PRMT3: variants seen among roughly 807,000 people sequenced by gnomAD.
The protein encoded by PRMT3 is protein arginine methyltransferase 3.
PRMT3 carries 62 observed loss-of-function variants against 71.9 expected under a neutral mutation model. The ratio of observed to expected loss-of-function variants is 0.86; its 90% confidence interval spans 0.70 to 1.07. The LOEUF is 1.07. Among genes scored for constraint, PRMT3 ranks in the 50% least tolerant of loss-of-function variants. The probability of loss-of-function intolerance (pLI) is 0.00; values close to 1 mark genes in which losing one functional copy is unlikely to be tolerated. For missense variants in PRMT3, 663 were observed against 643.0 expected (o/e 1.03, Z -0.34); for synonymous variants, 213 against 220.4 (o/e 0.97, Z 0.30).
chr11:20,420,515 A>C (rs1356031299), intron 9 of PRMT3, among the ~76,000 whole-genome samples: 1 of 152,144 alleles, frequency 6.6e-6, no homozygotes, highest in Non-Finnish European at 1.5e-5. Context: ...CTCCTGTCAG[A>C]TCAGTGGGGG....
chr11:20,412,907 G>A (rs1278528287), intron 9 of PRMT3, among the ~76,000 whole-genome samples: 1 of 152,048 alleles, frequency 6.6e-6, no homozygotes, highest in African/African-American at 2.4e-5. Context: ...TGCTAGGATT[G>A]AGCCTGGGCA....
chr11:20,467,277 A>G (rs1031663298), intron 13 of PRMT3, among the ~76,000 whole-genome samples: 2 of 152,210 alleles, frequency 1.3e-5, no homozygotes, highest in African/African-American at 4.8e-5. Context: ...GAACACTTGA[A>G]TGTCAGACAA....
chr11:20,441,393 C>T (rs1349661530), intron 10 of PRMT3, among the ~76,000 whole-genome samples: 1 of 151,802 alleles, frequency 6.6e-6, no homozygotes, highest in Non-Finnish European at 1.5e-5. Flanking sequence ...GCAAGCTCCG[C>T]CTCCCGGGTT....
At chr11:20,424,963 G>A (rs992360157) in intron 9 of PRMT3, among the ~76,000 whole-genome samples, 1 of 152,222 alleles carries the variant, frequency 6.6e-6, no homozygotes, top group East Asian at 1.9e-4. Context: ...TATTAGCCAG[G>A]CATGGTGTCA....
intron 13 of PRMT3, among the ~76,000 whole-genome samples, chr11:20,479,176 A>G (rs1369905713): frequency 1.3e-5 from 2 of 152,180 alleles, no homozygotes; most frequent in Non-Finnish European, 2.9e-5. Context: ...GGTCTAAAGT[A>G]TGGTCTTGAA....
chr11:20,389,958 C>G (rs1328034400), intron 3 of PRMT3, 132 bp downstream of exon 3: 2 of 578,624 alleles, frequency 3.5e-6, no homozygotes, highest in Non-Finnish European at 6.2e-6. Context: ...TCAAGACCAG[C>G]CTGGCCAACA....
chr11:20,458,357 G>A (rs1590078996), intron 11 of PRMT3, among the ~76,000 whole-genome samples: 1 of 152,214 alleles, frequency 6.6e-6, no homozygotes, highest in South Asian at 2.1e-4. Context: ...ATTTCTAAGG[G>A]ATAAAGGATT....
In PRMT3 at chr11:20,493,119, A is replaced by G. The variant is rs1041325280; in HGVS notation, c.1348-800A>G. ...CTGAGATCCCTCTGGGCAACAGAGC[A>G]AGACTCCATGTCAAAAAAAAAAAAA... On this transcript the variant is annotated intron_variant, in intron 13 of 15. Coordinates refer to ENST00000331079, the MANE Select transcript of PRMT3 (RefSeq NM_005788.4). Among the ~76,000 whole-genome samples, 3 of 137,424 alleles carry G rather than the reference A, an allele frequency of 2.2e-5. No homozygotes were observed. In the East Asian group the frequency reaches 6.1e-4, roughly 28 times the overall value. 90.2% of individuals were successfully genotyped at this position (137,424 alleles called of 152,430 possible).
chr11:20,430,460 G>T (rs552899447), intron 10 of PRMT3, among the ~76,000 whole-genome samples: 1 of 152,202 alleles, frequency 6.6e-6, no homozygotes, highest in African/African-American at 2.4e-5. Context: ...TTCTAGATAA[G>T]AATGTAATTT....
At chr11:20,462,609 A>G (rs1275280473) in intron 12 of PRMT3, among the ~76,000 whole-genome samples, 2 of 152,164 alleles carry the variant, frequency 1.3e-5, no homozygotes, top group Non-Finnish European at 2.9e-5. Flanking sequence ...AAGTAATTAC[A>G]TATAGTAAAT....
chr11:20,469,101 T>C (rs1850583196), intron 13 of PRMT3, among the ~76,000 whole-genome samples: 1 of 152,196 alleles, frequency 6.6e-6, no homozygotes, highest in South Asian at 2.1e-4. Flanking sequence ...TTTTTGACAG[T>C]TTAGATAAAA....
intron 10 of PRMT3, among the ~76,000 whole-genome samples, chr11:20,446,601 C>T (rs930343811): frequency 7.2e-5 from 11 of 152,268 alleles, no homozygotes; most frequent in Admixed American, 2.0e-4. Context: ...TTACTCCACT[C>T]ATACAGTTGT....
At chr11:20,466,726 A>G (rs1850521669) in intron 13 of PRMT3, among the ~76,000 whole-genome samples, 1 of 152,230 alleles carries the variant, frequency 6.6e-6, no homozygotes, top group Non-Finnish European at 1.5e-5. Flanking sequence ...TTAAAAGAGT[A>G]AAAAGAAACA....
At chr11:20,491,614 G>C (rs1851208476) in intron 13 of PRMT3, among the ~76,000 whole-genome samples, 1 of 152,150 alleles carries the variant, frequency 6.6e-6, no homozygotes, top group Admixed American at 6.6e-5. Flanking sequence ...TTACGGATTA[G>C]TCTGAGACTT....
chr11:20,438,470 G>T (rs1427023405), intron 10 of PRMT3, among the ~76,000 whole-genome samples: 1 of 152,088 alleles, frequency 6.6e-6, no homozygotes. Context: ...AAGGAAAGGG[G>T]TGTCTCTGCA....
At chr11:20,506,504 G>C (rs749253114) in intron 15 of PRMT3, among the ~76,000 whole-genome samples, 2 of 151,526 alleles carry the variant, frequency 1.3e-5, no homozygotes, top group Non-Finnish European at 2.9e-5. Context: ...CACCTTTTTT[G>C]CAAAGATGTA....
chr11:20,425,119 A>AAAAG (rs1161984046), intron 9 of PRMT3, among the ~76,000 whole-genome samples: 4 of 152,098 alleles, frequency 2.6e-5, no homozygotes, highest in Non-Finnish European at 5.9e-5. Flanking sequence ...AAAAAAAAAA[A>AAAAG]AAAGAAAGAA....
At chr11:20,492,153 C>T (rs1032005901) in intron 13 of PRMT3, among the ~76,000 whole-genome samples, 4 of 152,132 alleles carry the variant, frequency 2.6e-5, no homozygotes, top group Non-Finnish European at 5.9e-5. Context: ...ACTAACATAA[C>T]AGAATGTATA....
rs1184118864 is a variant in PRMT3 at position 20,426,811 on chromosome 11, T to G, written c.939T>G (p.Ile313Met). ...EDTITLIKGK[I>M]EEVHLPVEKV... ...CTATTACACTAATTAAAGGAAAGAT[T>G]GAAGAAGTTCATCTTCCTGTAGAAA... The change falls in exon 10 of 16, where the codon ATT becomes ATG. Residue 313 changes from isoleucine (I) to methionine (M), a missense_variant. Physicochemically the swap from Ile to Met is conservative, Grantham distance 10 (BLOSUM62 1). Transcript: ENST00000331079. 6 of 1,526,372 alleles carry G rather than the reference T, an allele frequency of 3.9e-6. No individual in the cohort carries two copies. The highest frequency in any genetic ancestry group is 1.3e-5 in the South Asian group (1 of 74,644). 94.6% of individuals were successfully genotyped at this position (1,526,372 alleles called of 1,614,324 possible). A position where few individuals can be genotyped will look rare whatever the true frequency, so the allele number is the denominator to read the frequency against.
Sources: allele counts gnomAD v4.1 joint callset (sites outside exome capture counted in the v4.1 genomes callset), GRCh38; gene constraint gnomAD v4.1.1; transcripts MANE v1.5; gene names NCBI Gene and HGNC (gene_info 2026-07-23, HGNC 2026-07-21).